ROR2: variants seen among roughly 807,000 people sequenced by gnomAD.
ROR2 encodes ROR family WNT receptor 2.
A neutral mutation model predicts 74.9 loss-of-function variants in ROR2; 33 were observed. The observed-to-expected ratio is 0.44, with a 90% CI of 0.33 to 0.59. ROR2 has a LOEUF of 0.59. ROR2 is among the 20% of genes least tolerant of loss of function. The pLI, the probability that ROR2 is intolerant of heterozygous loss-of-function variation, is 0.02. For synonymous variants in ROR2, 586 were observed against 558.7 expected (o/e 1.05, Z -0.69); for missense variants, 1,216 against 1,313.8 (o/e 0.93, Z 1.15).
chr9:91,883,524 G>A (rs577919145), intron 1 of ROR2: 5 of 152,328 alleles, frequency 3.3e-5, no homozygotes, highest in African/African-American at 1.2e-4. Context: ...CAGAAATGCA[G>A]TTCTTCATTC....
At chr9:91,863,379 A>C (rs1829530503) in intron 1 of ROR2, among the ~76,000 whole-genome samples, 1 of 152,194 alleles carries the variant, frequency 6.6e-6, no homozygotes, top group South Asian at 2.1e-4. Flanking sequence ...GAGAAATGAA[A>C]ACATAAAAAT....
intron 1 of ROR2, among the ~76,000 whole-genome samples, chr9:91,896,480 C>T (rs183976667): frequency 2.6e-5 from 4 of 152,286 alleles, no homozygotes; most frequent in East Asian, 3.9e-4. Flanking sequence ...TCACCATATC[C>T]GGATTTTGCG....
intron 1 of ROR2, among the ~76,000 whole-genome samples, chr9:91,904,041 TG>T (rs200944899): frequency 1.3e-4 from 16 of 125,928 alleles, no homozygotes; most frequent in African/African-American, 4.1e-4. Flanking sequence ...TTTTTGTTTT[TG>T]TTTTTTTTTG....
chr9:91,867,656 CTGTGTG>C (rs57475950), intron 1 of ROR2, among the ~76,000 whole-genome samples: 11,657 of 131,280 alleles, frequency 0.089, 919 homozygotes, highest in African/African-American at 0.23. Flanking sequence ...CACCCATGAG[CTGTGTG>C]TGTGTGTGTG....
At chr9:91,806,621 G>C (rs891216472) in intron 1 of ROR2, among the ~76,000 whole-genome samples, 2 of 152,034 alleles carry the variant, frequency 1.3e-5, no homozygotes, top group Non-Finnish European at 2.9e-5. Context: ...ACAGAGTCTC[G>C]CTCTGTCGCC....
rs770645104 is a variant in ROR2 at position 91,724,384 on chromosome 9, T to C, written c.2110A>G (p.Met704Val). The change falls in exon 9 of 9, where the codon ATG becomes GTG. Residue 704 changes from methionine to valine, a missense_variant. Met to Val is a conservative substitution (Grantham distance 21, BLOSUM62 1). Transcript: ENST00000375708. ...GGCAGCACCTGCCGGTTCCGGATCATCTCCACCACATCCTGGTTGGAGTAC... is the reference window on the plus strand; with the variant it reads ...GGCAGCACCTGCCGGTTCCGGATCACCTCCACCACATCCTGGTTGGAGTAC... ...CGYSNQDVVEMIRNRQVLPCP... is the reference protein window; with the variant it reads ...CGYSNQDVVEVIRNRQVLPCP... 4.3e-6 allele frequency: 7 copies of C among 1,613,838 alleles called. No individual in the cohort carries two copies. The highest frequency in any genetic ancestry group is 5.1e-6 in the Non-Finnish European group (6 of 1,179,994).
intron 1 of ROR2, among the ~76,000 whole-genome samples, chr9:91,782,106 G>A (rs1005698181): frequency 1.3e-5 from 2 of 152,208 alleles, no homozygotes; most frequent in Non-Finnish European, 2.9e-5. Flanking sequence ...GCCGGGCTGG[G>A]AGGCCAAATG....
At position 91,723,899 on chromosome 9, in the gene ROR2, G is replaced by A. The variant is rs1318729614; in HGVS notation, c.2595C>T (p.Gly865=). The A allele has an allele frequency of 6.2e-7, 1 of 1,614,002 alleles. No individual in the cohort carries two copies. The highest frequency in any genetic ancestry group is 1.1e-5 in the South Asian group (1 of 91,084). ...CGTAGCCTGTGCTGGTGGAGCCACT[G>A]CCACTGTGGTGTGAGCTGGGCTTGG... The part of the protein sequence containing the change: ...MVPKPSSHHS[G]SGSTSTGYVT... Residue 865 remains glycine (G), a synonymous_variant, in exon 9 of 9, where the codon GGC becomes GGT. Transcript: ENST00000375708.
chr9:91,821,987 T>A (rs1441449718), intron 1 of ROR2, among the ~76,000 whole-genome samples: 1 of 136,522 alleles, frequency 7.3e-6, no homozygotes, highest in Non-Finnish European at 1.6e-5. Flanking sequence ...ACAGCTAAAA[T>A]ATATATATAC....
At chr9:91,742,747 A>G (rs1825292992) in intron 4 of ROR2, among the ~76,000 whole-genome samples, 1 of 152,216 alleles carries the variant, frequency 6.6e-6, no homozygotes, top group African/African-American at 2.4e-5. Flanking sequence ...CACAGTCTAC[A>G]GTAGTGTACA....
chr9:91,949,344 C>G (rs1462933040), intron 1 of ROR2, among the ~76,000 whole-genome samples: 1 of 151,328 alleles, frequency 6.6e-6, no homozygotes, highest in Non-Finnish European at 1.5e-5. Context: ...GCCCCCACCC[C>G]CGCCGCAAGA....
chr9:91,793,761 C>CAAA (rs58120050), intron 1 of ROR2, among the ~76,000 whole-genome samples: 6 of 81,988 alleles, frequency 7.3e-5, no homozygotes, highest in African/African-American at 1.3e-4. Flanking sequence ...GACTCCGTTT[C>CAAA]AAAAAAAAAA....
intron 4 of ROR2, among the ~76,000 whole-genome samples, chr9:91,743,655 A>G (rs1825317699): frequency 3.3e-5 from 5 of 152,208 alleles, no homozygotes; most frequent in Non-Finnish European, 7.3e-5. Context: ...GTTACAGACC[A>G]AAATGCCTAC....
At chr9:91,806,235 G>T (rs909896529) in intron 1 of ROR2, among the ~76,000 whole-genome samples, 1 of 152,178 alleles carries the variant, frequency 6.6e-6, no homozygotes, top group Non-Finnish European at 1.5e-5. Flanking sequence ...AGTGCTGGAG[G>T]CTGGAAAGCC....
intron 1 of ROR2, among the ~76,000 whole-genome samples, chr9:91,819,573 T>C (rs564458767): frequency 8.6e-5 from 13 of 152,022 alleles, no homozygotes; most frequent in Non-Finnish European, 1.8e-4. Flanking sequence ...GTCTGAATAT[T>C]CTGTGTGTCT....
intron 2 of ROR2, 38 bp downstream of exon 2, chr9:91,775,703 T>C (rs776299089): frequency 3.1e-6 from 5 of 1,594,106 alleles, no homozygotes; most frequent in South Asian, 2.2e-5. Flanking sequence ...CACAGGGCAT[T>C]TGGAGGACAT....
intron 4 of ROR2, 136 bp from the exon 5 acceptor site, chr9:91,737,654 G>C: frequency 2.6e-6 from 3 of 1,166,282 alleles, no homozygotes; most frequent in Non-Finnish European, 3.7e-6. Context: ...TAAATAAGTA[G>C]AACACATAAG....
At chr9:91,751,569 C>A (rs1345566047) in intron 4 of ROR2, among the ~76,000 whole-genome samples, 1 of 152,258 alleles carries the variant, frequency 6.6e-6, no homozygotes, top group East Asian at 1.9e-4. Context: ...CCTTAAAATA[C>A]ACACAAAATA....
intron 1 of ROR2, among the ~76,000 whole-genome samples, chr9:91,813,077 G>A (rs1827812341): frequency 6.6e-6 from 1 of 151,778 alleles, no homozygotes. Context: ...GCCCTGCCAG[G>A]GTGCCCATCA....
Sources: allele counts gnomAD v4.1 joint callset (sites outside exome capture counted in the v4.1 genomes callset), GRCh38; gene constraint gnomAD v4.1.1; transcripts MANE v1.5; gene names NCBI Gene and HGNC (gene_info 2026-07-23, HGNC 2026-07-21).